The following SPOP variants were observed in gnomAD, a reference collection of about 807,000 sequenced individuals.
SPOP encodes speckle-type POZ protein.
Under a neutral mutation model 45.6 loss-of-function variants are expected in SPOP, and 11 were observed. That is an observed-to-expected ratio of 0.24 (90% CI 0.15 to 0.40). The LOEUF (loss-of-function observed/expected upper bound fraction) is 0.40, where lower values mean the gene tolerates loss of function less well. Ranked by LOEUF, SPOP falls within the 10% of genes least tolerant of loss-of-function variation. The pLI, the probability that SPOP is intolerant of heterozygous loss-of-function variation, is 1.00. For missense variants in SPOP, 152 were observed against 465.6 expected (o/e 0.33, Z 6.20); for synonymous variants, 166 against 166.3 (o/e 1.00, Z 0.01).
chr17:49,645,571 A>G lies in SPOP; in HGVS notation c.-66-22695T>C, dbSNP rs1483817023. Among the ~76,000 whole-genome samples the G allele has an allele frequency of 1.4e-4, 21 of 152,126 alleles. 1 individual carries two copies. Among genetic ancestry groups the G allele is most frequent in the Admixed American group, 1.4e-3 (21 of 15,270 alleles). ...CGGCCTCCCAAAGTGCTGGGATTAC[A>G]GGCATGAGTCACCGCGCCCAGCCAG... On this transcript the variant is annotated intron_variant, in intron 1 of 9. Transcript: ENST00000504102.
intron 8 of SPOP, among the ~76,000 whole-genome samples, chr17:49,606,164 AT>A (rs1567769802): frequency 6.6e-6 from 1 of 151,542 alleles, no homozygotes; most frequent in African/African-American, 2.4e-5. Context: ...TTTTTAATTT[AT>A]TTTTTTGAAA....
chr17:49,611,139 C>A, intron 6 of SPOP, 141 bp downstream of exon 6: 1 of 921,556 alleles, frequency 1.1e-6, no homozygotes, highest in South Asian at 1.7e-5. Context: ...GCATTGTTAC[C>A]GGAATACAAA....
At chr17:49,654,646 G>A (rs1017864920) in intron 1 of SPOP, among the ~76,000 whole-genome samples, 1 of 152,100 alleles carries the variant, frequency 6.6e-6, no homozygotes, top group East Asian at 1.9e-4. Context: ...TTAGCCGGGC[G>A]TGGTGGTACA....
At chr17:49,661,942 G>A (rs376621097) in intron 1 of SPOP, among the ~76,000 whole-genome samples, 18 of 147,588 alleles carry the variant, frequency 1.2e-4, no homozygotes, top group South Asian at 8.4e-4. Context: ...GAACTGGGAA[G>A]GCGGAGGTTG....
intron 1 of SPOP, among the ~76,000 whole-genome samples, chr17:49,653,327 C>T (rs537561559): frequency 6.6e-6 from 1 of 152,166 alleles, no homozygotes; most frequent in East Asian, 1.9e-4. Context: ...TCAAATCCCT[C>T]TCTAAAGCCT....
At chr17:49,602,165 A>C in intron 8 of SPOP, 158 bp from the exon 9 acceptor site, 1 of 761,532 alleles carries the variant, frequency 1.3e-6, no homozygotes, top group Non-Finnish European at 2.0e-6. Flanking sequence ...AAACATAACC[A>C]TTTCTGAAGG....
At chr17:49,675,710 CT>C (rs2073190143) in intron 1 of SPOP, among the ~76,000 whole-genome samples, 1 of 152,194 alleles carries the variant, frequency 6.6e-6, no homozygotes, top group South Asian at 2.1e-4. Context: ...GTGAATTCAA[CT>C]AGACAAAATG....
Position 49,622,813 on chromosome 17 carries a change from C to A in SPOP, c.-3G>T. 1 of 1,613,888 alleles carries A rather than the reference C, an allele frequency of 6.2e-7. No homozygotes were observed. Among genetic ancestry groups the A allele is most frequent in the Non-Finnish European group, 8.5e-7 (1 of 1,179,826 alleles). On this transcript the variant is annotated 5_prime_UTR_variant, in exon 2 of 10. Coordinates refer to ENST00000504102, the MANE Select transcript of SPOP (RefSeq NM_001007228.2). ...GGAGGACTTGGAACCCTTGACATCG[C>A]CAGTTTGAAGGTTAAACGAGATTTC...
chr17:49,618,701 C>A, intron 5 of SPOP: 3 of 482,172 alleles, frequency 6.2e-6, no homozygotes, highest in African/African-American at 2.0e-5. Context: ...TGAAAAAAAT[C>A]CCACAGTGAA....
chr17:49,659,882 C>T (rs1335106840), intron 1 of SPOP, among the ~76,000 whole-genome samples: 1 of 152,236 alleles, frequency 6.6e-6, no homozygotes, highest in Non-Finnish European at 1.5e-5. Flanking sequence ...GACACGTCTA[C>T]CCATCCAGTT....
intron 1 of SPOP, among the ~76,000 whole-genome samples, chr17:49,641,802 A>AC: frequency 6.6e-6 from 1 of 152,238 alleles, no homozygotes; most frequent in Middle Eastern, 3.4e-3. Flanking sequence ...TGGGTGGATC[A>AC]CCTGAGGTGA....
intron 8 of SPOP, among the ~76,000 whole-genome samples, chr17:49,604,967 T>C (rs12449817): frequency 0.14 from 21,878 of 152,218 alleles, 2,050 homozygotes; most frequent in Non-Finnish European, 0.2. Context: ...ATTAATATGC[T>C]ACATGTTCTG....
chr17:49,675,672 C>T (rs911528648), intron 1 of SPOP, among the ~76,000 whole-genome samples: 10 of 152,132 alleles, frequency 6.6e-5, no homozygotes, highest in African/African-American at 2.4e-4. Flanking sequence ...AAGCATTGCA[C>T]GCCATCAAAA....
At chr17:49,637,362 T>C (rs192578972) in intron 1 of SPOP, among the ~76,000 whole-genome samples, 40 of 152,262 alleles carry the variant, frequency 2.6e-4, no homozygotes, top group Admixed American at 6.5e-4. Context: ...GGTTCTCCTT[T>C]TTTTTGAGAT....
At chr17:49,665,487 C>T (rs888753589) in intron 1 of SPOP, among the ~76,000 whole-genome samples, 4 of 151,642 alleles carry the variant, frequency 2.6e-5, no homozygotes, top group Admixed American at 2.0e-4. Flanking sequence ...TGGTGGCAGG[C>T]GCCTGTAGTC....
intron 1 of SPOP, among the ~76,000 whole-genome samples, chr17:49,640,037 A>G (rs1597954934): frequency 6.6e-6 from 1 of 151,982 alleles, no homozygotes; most frequent in Non-Finnish European, 1.5e-5. Context: ...ATCACTTGAG[A>G]TCAGGAGTTC....
intron 1 of SPOP, among the ~76,000 whole-genome samples, chr17:49,671,102 T>A (rs1300266335): frequency 3.3e-5 from 5 of 152,086 alleles, no homozygotes; most frequent in Admixed American, 2.6e-4. Context: ...GTCAATGCTC[T>A]CTTCAGAGAT....
intron 1 of SPOP, among the ~76,000 whole-genome samples, chr17:49,669,465 T>TAAA (rs1338594142): frequency 8.1e-6 from 1 of 123,652 alleles, no homozygotes; most frequent in Non-Finnish European, 1.7e-5. Context: ...TACGGAATAT[T>TAAA]AAAAAAAAAA....
chr17:49,610,963 G>T (rs1173363139), intron 6 of SPOP, among the ~76,000 whole-genome samples: 1 of 152,060 alleles, frequency 6.6e-6, no homozygotes, highest in Non-Finnish European at 1.5e-5. Context: ...CCTTATCTAG[G>T]GGTTGATACC....
Sources: gnomAD v4.1 joint callset for allele counts (sites outside exome capture counted in the v4.1 genomes callset) on GRCh38, gnomAD v4.1.1 for gene constraint, MANE v1.5 for transcripts, NCBI Gene and HGNC (gene_info 2026-07-23, HGNC 2026-07-21) for gene names.